The following MYO1D variants were observed in gnomAD, a reference collection of about 807,000 sequenced individuals.
MYO1D encodes the protein unconventional myosin-Id.
In MYO1D, 83 loss-of-function variants were observed where a neutral mutation model predicts 122.0. The observed-to-expected ratio is 0.68, with a 90% CI of 0.57 to 0.82. The LOEUF (loss-of-function observed/expected upper bound fraction) is 0.82. MYO1D is among the 40% of genes least tolerant of loss of function. The probability of loss-of-function intolerance (pLI) is 0.00; values close to 1 mark genes in which losing one functional copy is unlikely to be tolerated. For synonymous variants in MYO1D, 464 were observed against 446.9 expected (o/e 1.04, Z -0.48); for missense variants, 1,157 against 1,269.5 (o/e 0.91, Z 1.35).
chr17:32,850,200 T>C (rs557389323), intron 1 of MYO1D, among the ~76,000 whole-genome samples: 2 of 152,344 alleles, frequency 1.3e-5, no homozygotes, highest in Non-Finnish European at 2.9e-5. Context: ...AGATGGCTCT[T>C]TACATCCTTT....
At chr17:32,676,691 C>T (rs1018003248) in intron 16 of MYO1D, among the ~76,000 whole-genome samples, 4 of 152,092 alleles carry the variant, frequency 2.6e-5, no homozygotes, top group East Asian at 3.8e-4. Context: ...ACCCAAGAGA[C>T]GGCTGAATAG....
chr17:32,606,787 A>G (rs546354275), intron 20 of MYO1D, among the ~76,000 whole-genome samples: 12 of 152,348 alleles, frequency 7.9e-5, no homozygotes, highest in African/African-American at 2.9e-4. Flanking sequence ...ATCGGGAGCA[A>G]TGCAAGGATT....
intron 11 of MYO1D, 22 bp from the exon 12 acceptor site, chr17:32,749,028 T>G: frequency 6.3e-7 from 1 of 1,597,214 alleles, no homozygotes; most frequent in Non-Finnish European, 8.6e-7. Flanking sequence ...AGAAGGATAT[T>G]ATTTTGAAAA....
chr17:32,706,383 T>C (rs1271515554), intron 16 of MYO1D, among the ~76,000 whole-genome samples: 1 of 152,068 alleles, frequency 6.6e-6, no homozygotes, highest in East Asian at 1.9e-4. Context: ...GCTGGGATTA[T>C]AGGCATGAGC....
Position 32,653,965 on chromosome 17 carries a change from C to G in MYO1D, c.2491-18G>C, listed in dbSNP as rs968449787. The G allele has an allele frequency of 1.9e-6, 3 of 1,591,244 alleles. No homozygotes were observed. In the South Asian group the frequency reaches 3.3e-5, roughly 18 times the overall value. ...TCTGGCTTCTGAAAGAGAAAGGAAA[C>G]AAGACAAAATGAGTATGCTTAGCAT... On this transcript the variant is annotated intron_variant, in intron 18 of 21. Transcript: ENST00000318217.
At chr17:32,677,804 G>C (rs2088844710) in intron 16 of MYO1D, among the ~76,000 whole-genome samples, 1 of 151,964 alleles carries the variant, frequency 6.6e-6, no homozygotes, top group Admixed American at 6.6e-5. Flanking sequence ...CAAGCATTAG[G>C]CTGCCTAAAC....
At chr17:32,842,229 G>C (rs953499335) in intron 1 of MYO1D, among the ~76,000 whole-genome samples, 1 of 152,120 alleles carries the variant, frequency 6.6e-6, no homozygotes, top group African/African-American at 2.4e-5. Context: ...ATGGAGCTTG[G>C]ACTGAGAGTT....
chr17:32,581,405 A>G (rs746683541), intron 21 of MYO1D, among the ~76,000 whole-genome samples: 16 of 148,904 alleles, frequency 1.1e-4, no homozygotes, highest in Non-Finnish European at 1.8e-4. Flanking sequence ...TCTGATTTCC[A>G]TTTCATTGGT....
intron 1 of MYO1D, among the ~76,000 whole-genome samples, chr17:32,804,526 G>C (rs16967646): frequency 0.028 from 4,210 of 152,222 alleles, 88 homozygotes; most frequent in Middle Eastern, 0.048. Flanking sequence ...AGCCTGGAGT[G>C]ATCTTTCTCC....
At chr17:32,859,580 T>A (rs1428288675) in intron 1 of MYO1D, among the ~76,000 whole-genome samples, 2 of 152,220 alleles carry the variant, frequency 1.3e-5, no homozygotes, top group African/African-American at 4.8e-5. Flanking sequence ...GAAAGATAAA[T>A]CTACATCTCT....
chr17:32,836,630 T>A (rs1481793956), intron 1 of MYO1D, among the ~76,000 whole-genome samples: 2 of 152,188 alleles, frequency 1.3e-5, no homozygotes, highest in Non-Finnish European at 1.5e-5. Context: ...GAATCATTCA[T>A]GTTGTTGTGT....
intron 16 of MYO1D, among the ~76,000 whole-genome samples, chr17:32,709,566 C>T (rs147332188): frequency 6.6e-6 from 1 of 151,638 alleles, no homozygotes; most frequent in East Asian, 1.9e-4. Context: ...TGAATGAAAG[C>T]AACATTAAAA....
At chr17:32,542,305 C>T (rs988616931) in intron 21 of MYO1D, among the ~76,000 whole-genome samples, 5 of 152,236 alleles carry the variant, frequency 3.3e-5, no homozygotes, top group African/African-American at 1.2e-4. Context: ...ACTGAAGAAC[C>T]TCTCTGTTTT....
intron 17 of MYO1D, 24 bp from the exon 18 acceptor site, chr17:32,654,645 A>G (rs2088449960): frequency 6.4e-7 from 1 of 1,553,640 alleles, no homozygotes; most frequent in East Asian, 2.3e-5. Flanking sequence ...GACAACATGT[A>G]TTAGACTTTA....
At chr17:32,555,968 C>T (rs1017904236) in intron 21 of MYO1D, among the ~76,000 whole-genome samples, 1 of 152,180 alleles carries the variant, frequency 6.6e-6, no homozygotes, top group African/African-American at 2.4e-5. Context: ...GAGGGCACCT[C>T]GTTTTCTGCC....
intron 1 of MYO1D, among the ~76,000 whole-genome samples, chr17:32,806,481 A>T (rs2090514278): frequency 6.6e-6 from 1 of 152,164 alleles, no homozygotes; most frequent in African/African-American, 2.4e-5. Flanking sequence ...CTCTCACCTC[A>T]GCCTCCTAAG....
At chr17:32,800,150 G>A (rs1210676359) in intron 1 of MYO1D, among the ~76,000 whole-genome samples, 4 of 152,016 alleles carry the variant, frequency 2.6e-5, no homozygotes, top group Non-Finnish European at 4.4e-5. Context: ...ACTGAAAACA[G>A]AATTACCTTA....
intron 1 of MYO1D, among the ~76,000 whole-genome samples, chr17:32,826,095 T>C (rs1299250538): frequency 6.6e-6 from 1 of 150,500 alleles, no homozygotes; most frequent in African/African-American, 2.4e-5. Flanking sequence ...ATTCTGGGGG[T>C]TAACTATTCT....
At chr17:32,854,942 A>G (rs537181117) in intron 1 of MYO1D, among the ~76,000 whole-genome samples, 46 of 152,186 alleles carry the variant, frequency 3.0e-4, no homozygotes, top group Non-Finnish European at 4.7e-4. Context: ...GTATGTGTAC[A>G]TGTGTGAGTG....
Sources: allele counts gnomAD v4.1 joint callset (sites outside exome capture counted in the v4.1 genomes callset), GRCh38; gene constraint gnomAD v4.1.1; transcripts MANE v1.5; gene names NCBI Gene and HGNC (gene_info 2026-07-23, HGNC 2026-07-21).